ZNF385B: variants seen among roughly 807,000 people sequenced by gnomAD.
The protein encoded by ZNF385B is zinc finger protein 533.
ZNF385B carries 23 observed loss-of-function variants against 39.2 expected under a neutral mutation model. The observed-to-expected ratio is 0.59, with a 90% confidence interval of 0.42 to 0.83. ZNF385B has a LOEUF of 0.83. ZNF385B is among the 40% of genes least tolerant of loss of function. The pLI is 0.00. For missense variants in ZNF385B, 552 were observed against 598.9 expected (o/e 0.92, Z 0.82); for synonymous variants, 205 against 222.6 (o/e 0.92, Z 0.70).
chr2:179,843,575 T>C (rs1055638668), intron 1 of ZNF385B, among the ~76,000 whole-genome samples: 3 of 152,250 alleles, frequency 2.0e-5, no homozygotes, highest in African/African-American at 7.2e-5. Flanking sequence ...CCTCTCTCTT[T>C]TCCAAATCTT....
At chr2:179,697,967 C>T (rs62175187) in intron 3 of ZNF385B, among the ~76,000 whole-genome samples, 10,075 of 152,178 alleles carry the variant, frequency 0.066, 435 homozygotes, top group East Asian at 0.16. Flanking sequence ...CGCATGTTCT[C>T]ACTCATAGGT....
intron 2 of ZNF385B, 76 bp downstream of exon 2, chr2:179,770,445 G>A (rs1703951077): frequency 6.6e-6 from 1 of 152,106 alleles, no homozygotes; most frequent in African/African-American, 2.4e-5. Flanking sequence ...CATACACCTG[G>A]GCATATACAA....
chr2:179,673,631 C>T (rs1345024255), intron 3 of ZNF385B, among the ~76,000 whole-genome samples: 1 of 152,134 alleles, frequency 6.6e-6, no homozygotes, highest in African/African-American at 2.4e-5. Context: ...CTTCTGCCTC[C>T]TTCACTTGAC....
intron 3 of ZNF385B, among the ~76,000 whole-genome samples, chr2:179,708,633 T>G (rs1346320618): frequency 1.3e-5 from 2 of 152,202 alleles, no homozygotes; most frequent in Non-Finnish European, 2.9e-5. Flanking sequence ...AATTGATAAC[T>G]TATCAAGTCT....
chr2:179,490,131 A>C (rs932772928), intron 5 of ZNF385B, among the ~76,000 whole-genome samples: 2 of 152,150 alleles, frequency 1.3e-5, no homozygotes, highest in Non-Finnish European at 2.9e-5. Context: ...CATCAACTCC[A>C]AATATTTCTA....
intron 6 of ZNF385B, among the ~76,000 whole-genome samples, chr2:179,466,131 A>G (rs553175352): frequency 3.0e-4 from 46 of 152,330 alleles, no homozygotes; most frequent in Non-Finnish European, 5.1e-4. Flanking sequence ...AAGTCTATAT[A>G]TTCGCAATAT....
chr2:179,758,794 A>G (rs887102978), intron 3 of ZNF385B, among the ~76,000 whole-genome samples: 4 of 152,174 alleles, frequency 2.6e-5, no homozygotes, highest in Non-Finnish European at 5.9e-5. Flanking sequence ...CATCTAAGAC[A>G]GTTACTCTGT....
chr2:179,860,720 TC>T, intron 1 of ZNF385B: 2 of 411,264 alleles, frequency 4.9e-6, no homozygotes, highest in East Asian at 9.3e-5. Context: ...ACCCCAAACT[TC>T]CAGCCCAGGT....
At chr2:179,736,985 A>G (rs1220055525) in intron 3 of ZNF385B, among the ~76,000 whole-genome samples, 2 of 152,142 alleles carry the variant, frequency 1.3e-5, no homozygotes, top group Non-Finnish European at 2.9e-5. Flanking sequence ...AAACAAAACA[A>G]AACTTTATAC....
chr2:179,485,784 G>GA (rs35217757), intron 5 of ZNF385B, among the ~76,000 whole-genome samples: 1 of 151,976 alleles, frequency 6.6e-6, no homozygotes, highest in Non-Finnish European at 1.5e-5. Flanking sequence ...GGTGGCTGGG[G>GA]AAAAAAATAT....
chr2:179,698,827 A>G (rs925430846), intron 3 of ZNF385B, among the ~76,000 whole-genome samples: 1 of 152,178 alleles, frequency 6.6e-6, no homozygotes, highest in Non-Finnish European at 1.5e-5. Flanking sequence ...CTTTGCAGTC[A>G]AGCTAGCAAC....
At chr2:179,712,669 C>T (rs1700079039) in intron 3 of ZNF385B, among the ~76,000 whole-genome samples, 1 of 152,182 alleles carries the variant, frequency 6.6e-6, no homozygotes, top group Non-Finnish European at 1.5e-5. Flanking sequence ...AAGGCAGATT[C>T]TCAGGCTTCG....
At chr2:179,688,553 T>C (rs1484132754) in intron 3 of ZNF385B, among the ~76,000 whole-genome samples, 6 of 152,066 alleles carry the variant, frequency 3.9e-5, no homozygotes, top group Non-Finnish European at 8.8e-5. Flanking sequence ...AAGCCTTTCA[T>C]TGTTGAACTA....
At chr2:179,577,821 C>T (rs1468316063) in intron 3 of ZNF385B, among the ~76,000 whole-genome samples, 1 of 151,656 alleles carries the variant, frequency 6.6e-6, no homozygotes, top group Non-Finnish European at 1.5e-5. Context: ...ATACTGATGA[C>T]TATGAATAAG....
intron 5 of ZNF385B, among the ~76,000 whole-genome samples, chr2:179,487,385 C>A (rs1355202243): frequency 6.6e-6 from 1 of 152,204 alleles, no homozygotes; most frequent in East Asian, 1.9e-4. Context: ...GGCATCTTTC[C>A]CATTCTCCTG....
At chr2:179,608,842 CTGTGTGTGTGTGTGTGTGTGTGTGTG>C (rs60633100) in intron 3 of ZNF385B, among the ~76,000 whole-genome samples, 214 of 134,698 alleles carry the variant, frequency 1.6e-3, no homozygotes, top group African/African-American at 4.4e-3. Flanking sequence ...AGGGCCAAGA[CTGTGTGTGTGTGTGTGTGTGTGTGTG>C]TGTGTGTGTG....
At chr2:179,455,046 C>CCACT (rs956719288) in intron 6 of ZNF385B, among the ~76,000 whole-genome samples, 1 of 152,174 alleles carries the variant, frequency 6.6e-6, no homozygotes, top group Non-Finnish European at 1.5e-5. Flanking sequence ...TTCACATTCA[C>CCACT]CACTCACTCA....
chr2:179,612,680 G>A (rs1304179729), intron 3 of ZNF385B, among the ~76,000 whole-genome samples: 1 of 152,188 alleles, frequency 6.6e-6, no homozygotes, highest in African/African-American at 2.4e-5. Context: ...CCTGAAGCCA[G>A]CATGGTGCTG....
rs577630662 is a variant in ZNF385B, at chr2:179,540,684, A to C, written c.441+4143T>G. On this transcript the variant is annotated intron_variant, in intron 4 of 9. Transcript: ENST00000410066. Reference sequence around the variant, plus strand: ...ATGTTGTTGAGCACCTGTGTCAGACACCCATCATACTAAAATGAATAAGAT... The same window carrying C: ...ATGTTGTTGAGCACCTGTGTCAGACCCCCATCATACTAAAATGAATAAGAT... Among the ~76,000 whole-genome samples, 11 of 152,252 alleles carry C rather than the reference A, an allele frequency of 7.2e-5. No individual in the cohort carries two copies. The South Asian group carries it at 2.3e-3, about 32-fold the overall frequency.
Sources: gnomAD v4.1 joint callset for allele counts (sites outside exome capture counted in the v4.1 genomes callset) on GRCh38, gnomAD v4.1.1 for gene constraint, MANE v1.5 for transcripts, NCBI Gene and HGNC (gene_info 2026-07-23, HGNC 2026-07-21) for gene names.